The following ADGRL3 variants were observed in gnomAD, a reference collection of about 807,000 sequenced individuals.
ADGRL3 encodes the protein adhesion G protein-coupled receptor L3, also known as calcium-independent alpha-latrotoxin receptor 3.
Under a neutral mutation model 153.5 loss-of-function variants are expected in ADGRL3, and 62 were observed. The observed-to-expected ratio is 0.40, with a 90% CI of 0.33 to 0.50. The LOEUF (loss-of-function observed/expected upper bound fraction) is 0.50, where lower values mean the gene tolerates loss of function less well. Ranked by LOEUF, ADGRL3 falls within the 20% of genes least tolerant of loss-of-function variation. The pLI is 0.47. For missense variants in ADGRL3, 1,641 were observed against 1,859.4 expected (o/e 0.88, Z 2.16); for synonymous variants, 710 against 672.5 (o/e 1.06, Z -0.86).
rs1490779221 is a variant in ADGRL3, at chr4:61,355,942, ATTAAT to A, written c.-239-27177_-239-27173del. On this transcript the variant is annotated intron_variant, in intron 1 of 26. Coordinates refer to ENST00000683033, the MANE Select transcript of ADGRL3 (RefSeq NM_001387552.1). The stretch of plus-strand genomic sequence containing the variant: ...CTTAATGTGTAATATGATTCCAGTT[ATTAAT>A]TTAAGTTTTAGTAAAAATTTAATAA... Among the ~76,000 whole-genome samples the A allele has an allele frequency of 1.8e-4, 28 of 151,952 alleles. 1 individual carries two copies. Among genetic ancestry groups the A allele is most frequent in the African/African-American group, 6.3e-4 (26 of 41,346 alleles).
intron 3 of ADGRL3, among the ~76,000 whole-genome samples, chr4:61,513,508 A>C (rs985763613): frequency 6.6e-6 from 1 of 152,172 alleles, no homozygotes; most frequent in Non-Finnish European, 1.5e-5. Context: ...TTTAAGAGAC[A>C]TGAACATGGG....
At chr4:61,889,731 A>T (rs1301433553) in intron 9 of ADGRL3, among the ~76,000 whole-genome samples, 2 of 152,210 alleles carry the variant, frequency 1.3e-5, no homozygotes, top group Non-Finnish European at 2.9e-5. Context: ...ATGCTAAAAT[A>T]CATATATCAC....
intron 8 of ADGRL3, among the ~76,000 whole-genome samples, chr4:61,798,997 CAGTATATATA>C (rs2097450285): frequency 1.5e-5 from 1 of 64,876 alleles, no homozygotes; most frequent in African/African-American, 5.9e-5. Flanking sequence ...TATATATAAA[CAGTATATATA>C]TATATATATA....
intron 20 of ADGRL3, among the ~76,000 whole-genome samples, chr4:61,996,650 G>A (rs1313382429): frequency 2.0e-5 from 3 of 152,122 alleles, no homozygotes; most frequent in Non-Finnish European, 2.9e-5. Context: ...ATTTGAACAA[G>A]GATGACTCTA....
chr4:61,910,098 A>G (rs184418339), intron 12 of ADGRL3, among the ~76,000 whole-genome samples: 1 of 152,222 alleles, frequency 6.6e-6, no homozygotes, highest in African/African-American at 2.4e-5. Context: ...AATTGACAAT[A>G]AAACAAATGT....
At chr4:61,231,566 C>T (rs1192806342) in intron 1 of ADGRL3, among the ~76,000 whole-genome samples, 2 of 152,054 alleles carry the variant, frequency 1.3e-5, no homozygotes, top group African/African-American at 4.8e-5. Flanking sequence ...TCAAACTTTT[C>T]ATTTAGGGCT....
intron 5 of ADGRL3, 133 bp downstream of exon 5, chr4:61,587,573 T>G: frequency 1.5e-6 from 1 of 659,522 alleles, no homozygotes; most frequent in Middle Eastern, 4.2e-4. Flanking sequence ...TTTCCATATC[T>G]GACTATTCCT....
intron 5 of ADGRL3, among the ~76,000 whole-genome samples, chr4:61,595,263 G>A (rs2098984336): frequency 6.6e-6 from 1 of 152,080 alleles, no homozygotes; most frequent in Admixed American, 6.5e-5. Context: ...CCACAGCTGG[G>A]AATGTGATGG....
Position 61,449,129 on chromosome 4 carries a change from T to G in ADGRL3, c.-173-47992T>G, listed in dbSNP as rs541219436. ...TTATTTTTTCCTTTTATTTTTTATT[T>G]AATTTAATTAATTAATTTATTTTTT... On this transcript the variant is annotated intron_variant, in intron 2 of 26. Transcript: ENST00000683033. 1.5e-3 allele frequency among the ~76,000 whole-genome samples: 225 copies of G among 152,140 alleles called. 2 individuals are homozygous for G. Among genetic ancestry groups the G allele is most frequent in the Middle Eastern group, 3.4e-3 (1 of 294 alleles).
intron 5 of ADGRL3, among the ~76,000 whole-genome samples, chr4:61,608,797 G>T (rs1254453220): frequency 6.6e-6 from 1 of 152,102 alleles, no homozygotes; most frequent in Non-Finnish European, 1.5e-5. Context: ...ATATGCAACA[G>T]CATAGAGATA....
chr4:62,024,691 G>A (rs1717310818), intron 21 of ADGRL3, among the ~76,000 whole-genome samples: 1 of 151,994 alleles, frequency 6.6e-6, no homozygotes, highest in South Asian at 2.1e-4. Context: ...AGCACTTTAA[G>A]AGGCCGAGGC....
intron 1 of ADGRL3, among the ~76,000 whole-genome samples, chr4:61,373,823 G>T (rs1240675766): frequency 6.6e-6 from 1 of 152,078 alleles, no homozygotes; most frequent in East Asian, 1.9e-4. Context: ...ACATTTTAAT[G>T]AACCTTATTT....
At chr4:61,545,352 T>A (rs1327996726) in intron 4 of ADGRL3, among the ~76,000 whole-genome samples, 1 of 152,198 alleles carries the variant, frequency 6.6e-6, no homozygotes. Flanking sequence ...GAAGCTGGGT[T>A]CAGCTCAGGA....
intron 8 of ADGRL3, among the ~76,000 whole-genome samples, chr4:61,779,594 T>G (rs1362399559): frequency 8.2e-6 from 1 of 121,962 alleles, no homozygotes; most frequent in Non-Finnish European, 1.6e-5. Context: ...GATCCAGCAC[T>G]GAGCCACCCA....
intron 8 of ADGRL3, chr4:61,775,388 T>C (rs1045301998): frequency 2.1e-6 from 1 of 476,016 alleles, no homozygotes. Context: ...TAAAATTTTC[T>C]TTTTTTTCTT....
At chr4:61,762,772 C>A (rs1384318094) in intron 8 of ADGRL3, among the ~76,000 whole-genome samples, 1 of 152,068 alleles carries the variant, frequency 6.6e-6, no homozygotes, top group Non-Finnish European at 1.5e-5. Flanking sequence ...AAAGAGAAAT[C>A]TCTTATTTTT....
At chr4:61,358,326 G>A (rs112585053) in intron 1 of ADGRL3, among the ~76,000 whole-genome samples, 82 of 152,182 alleles carry the variant, frequency 5.4e-4, no homozygotes, top group East Asian at 2.1e-3. Flanking sequence ...GGCCGGGAGC[G>A]GTGGCTCACG....
intron 1 of ADGRL3, among the ~76,000 whole-genome samples, chr4:61,215,582 C>T (rs1315532650): frequency 8.9e-6 from 1 of 112,254 alleles, no homozygotes; most frequent in African/African-American, 3.4e-5. Context: ...GATGGAGTCT[C>T]GCTCTGCTTC....
At chr4:61,250,826 T>G (rs1758943164) in intron 1 of ADGRL3, among the ~76,000 whole-genome samples, 1 of 152,164 alleles carries the variant, frequency 6.6e-6, no homozygotes, top group Admixed American at 6.6e-5. Flanking sequence ...GCCTAAAGAC[T>G]TAGTTTCCTC....
Sources: allele counts gnomAD v4.1 joint callset (sites outside exome capture counted in the v4.1 genomes callset), GRCh38; gene constraint gnomAD v4.1.1; transcripts MANE v1.5; gene names NCBI Gene and HGNC (gene_info 2026-07-23, HGNC 2026-07-21).